The following PCDH11X variants were observed in gnomAD, a reference collection of about 807,000 sequenced individuals.
PCDH11X encodes protocadherin 11 X-linked, also known as protocadherin-11 X-linked.
A neutral mutation model predicts 53.3 loss-of-function variants in PCDH11X; 18 were observed. That is an observed-to-expected ratio of 0.34 (90% CI 0.23 to 0.50). The LOEUF (loss-of-function observed/expected upper bound fraction) is 0.50, where lower values mean the gene tolerates loss of function less well. PCDH11X is among the 20% of genes least tolerant of loss of function. The pLI, the probability that PCDH11X is intolerant of heterozygous loss-of-function variation, is 0.98. For missense variants in PCDH11X, 570 were observed against 1,032.4 expected, an observed-to-expected ratio of 0.55 and a Z score of 6.14; for synonymous variants, 279 against 393.3, an observed-to-expected ratio of 0.71 and a Z score of 3.44.
chrX:91,829,300 A>G (rs1937029690), intron 4 of PCDH11X, among the ~76,000 whole-genome samples: 1 of 109,111 alleles, frequency 9.2e-6, no homozygotes, highest in African/African-American at 3.4e-5. Context: ...TGTTTTGTGT[A>G]CTGTTTTATT....
chrX:92,509,334 CT>C (rs2074122520), intron 10 of PCDH11X, among the ~76,000 whole-genome samples: 1 of 110,022 alleles, frequency 9.1e-6, no homozygotes, highest in African/African-American at 3.3e-5. Flanking sequence ...GTTTTAAATC[CT>C]ACAATGATTG....
intron 6 of PCDH11X, among the ~76,000 whole-genome samples, chrX:92,112,121 A>G (rs1323689244): frequency 9.1e-6 from 1 of 109,427 alleles, no homozygotes; most frequent in Non-Finnish European, 1.9e-5. Flanking sequence ...AAAAAAAAAA[A>G]AAAGGTATCA....
At chrX:92,044,241 G>A (rs1376956136) in intron 6 of PCDH11X, among the ~76,000 whole-genome samples, 2 of 104,683 alleles carry the variant, frequency 1.9e-5, no homozygotes, top group Non-Finnish European at 3.9e-5. Context: ...ACTGATAAGC[G>A]CTGAAGGCTG....
chrX:92,364,914 CAAAAA>C (rs57977407), intron 8 of PCDH11X, among the ~76,000 whole-genome samples: 16 of 44,697 alleles, frequency 3.6e-4, no homozygotes, highest in Admixed American at 2.2e-3. Context: ...ACCCTTTCTA[CAAAAA>C]AAAAAAAAAA....
intron 6 of PCDH11X, among the ~76,000 whole-genome samples, chrX:91,907,130 T>C (rs1439634625): frequency 2.7e-5 from 3 of 111,213 alleles, no homozygotes; most frequent in African/African-American, 9.8e-5. Context: ...ATGACATGAC[T>C]AGTGAAAGTA....
At chrX:92,406,962 C>T (rs1203997425) in intron 9 of PCDH11X, among the ~76,000 whole-genome samples, 4 of 96,175 alleles carry the variant, frequency 4.2e-5, no homozygotes, top group Non-Finnish European at 8.2e-5. Context: ...AAAAATTGAA[C>T]TCTCAGAGTT....
intron 8 of PCDH11X, among the ~76,000 whole-genome samples, chrX:92,319,660 G>A (rs2069155980): frequency 9.1e-6 from 1 of 110,373 alleles, no homozygotes; most frequent in Non-Finnish European, 1.9e-5. Context: ...CATCCAGCCT[G>A]CCTTCATTAT....
Position 92,588,143 on chromosome X carries a change from A to G in PCDH11X, c.3368-30121A>G, listed in dbSNP as rs750654599. On this transcript the variant is annotated intron_variant, in intron 10 of 10. Coordinates refer to ENST00000682573, the MANE Select transcript of PCDH11X (RefSeq NM_032968.5). The stretch of plus-strand genomic sequence containing the variant: ...TGAACCTGCATTGAGTTAATTTGTG[A>G]TGGTCCCATACTTTCTTCTTGAAAA... 5.3e-5 allele frequency among the ~76,000 whole-genome samples: 5 copies of G among 94,094 alleles called. No individual in the cohort carries two copies. The South Asian group carries it at 2.8e-3, about 53-fold the overall frequency. The allele number at this position is 94,094 out of a possible 115,157, so 81.7% of individuals were successfully genotyped here. A position where few individuals can be genotyped will look rare whatever the true frequency, so the allele number is the denominator to read the frequency against.
At chrX:91,809,404 T>C (rs771577312) in intron 1 of PCDH11X, among the ~76,000 whole-genome samples, 62 bp from the exon 2 acceptor site, 12 of 111,534 alleles carry the variant, frequency 1.1e-4, no homozygotes, top group East Asian at 2.8e-4. Context: ...ATAATATTTA[T>C]CTTCTACAAA....
intron 7 of PCDH11X, among the ~76,000 whole-genome samples, chrX:92,210,603 C>T (rs775080313): frequency 1.1e-4 from 12 of 111,483 alleles, no homozygotes; most frequent in African/African-American, 3.9e-4. Context: ...CTTTTATGCT[C>T]TACTTCCATT....
chrX:92,195,574 A>G, intron 6 of PCDH11X, among the ~76,000 whole-genome samples: 1 of 111,674 alleles, frequency 9.0e-6, no homozygotes, highest in Non-Finnish European at 1.9e-5. Context: ...GGACATGCCT[A>G]TGAAATAACC....
intron 5 of PCDH11X, among the ~76,000 whole-genome samples, chrX:91,855,762 T>C (rs1938295868): frequency 9.0e-6 from 1 of 111,313 alleles, no homozygotes; most frequent in Admixed American, 9.6e-5. Flanking sequence ...TGTGTGGCTA[T>C]TATAAATGGA....
intron 6 of PCDH11X, among the ~76,000 whole-genome samples, chrX:92,115,269 T>C (rs2064614413): frequency 9.0e-6 from 1 of 110,955 alleles, no homozygotes; most frequent in Admixed American, 9.8e-5. Flanking sequence ...CATGACTGTA[T>C]TTGGGCATTC....
chrX:91,977,360 C>G (rs2030884038), intron 6 of PCDH11X, among the ~76,000 whole-genome samples: 1 of 111,980 alleles, frequency 8.9e-6, no homozygotes, highest in South Asian at 3.7e-4. Flanking sequence ...AATAAACCAG[C>G]TTCTGACTAA....
intron 8 of PCDH11X, among the ~76,000 whole-genome samples, chrX:92,266,519 A>C (rs920531200): frequency 8.9e-6 from 1 of 111,738 alleles, no homozygotes; most frequent in African/African-American, 3.2e-5. Flanking sequence ...TCAGAGGTTT[A>C]AGTTACAAAG....
intron 10 of PCDH11X, among the ~76,000 whole-genome samples, chrX:92,508,896 G>A (rs113360255): frequency 0.076 from 8,074 of 106,198 alleles, 254 homozygotes; most frequent in East Asian, 0.11. Flanking sequence ...CACATGAGAC[G>A]TTGACCATTT....
chrX:91,823,230 G>C (rs755621073), intron 4 of PCDH11X, among the ~76,000 whole-genome samples: 4 of 110,902 alleles, frequency 3.6e-5, no homozygotes, highest in Non-Finnish European at 7.5e-5. Context: ...GGGTATCCTT[G>C]TTGACTTTCT....
At chrX:92,605,673 A>C (rs932701393) in intron 10 of PCDH11X, among the ~76,000 whole-genome samples, 2 of 111,976 alleles carry the variant, frequency 1.8e-5, no homozygotes, top group Non-Finnish European at 3.8e-5. Context: ...GTATTTCTAT[A>C]TTCTAGCGTT....
intron 6 of PCDH11X, among the ~76,000 whole-genome samples, chrX:92,198,051 T>C (rs1240635110): frequency 5.5e-5 from 6 of 109,555 alleles, no homozygotes; most frequent in Non-Finnish European, 1.1e-4. Context: ...TGCAATACAA[T>C]GTCTAATTGA....
Sources: gnomAD v4.1 joint callset for allele counts (sites outside exome capture counted in the v4.1 genomes callset) on GRCh38, gnomAD v4.1.1 for gene constraint, MANE v1.5 for transcripts, NCBI Gene and HGNC (gene_info 2026-07-23, HGNC 2026-07-21) for gene names.